ICE2: variants seen among roughly 807,000 people sequenced by gnomAD.
The protein encoded by ICE2 is interactor of little elongation complex ELL subunit 2.
ICE2 carries 87 observed loss-of-function variants against 105.4 expected under a neutral mutation model. The observed-to-expected ratio is 0.83, with a 90% confidence interval of 0.69 to 0.99. The LOEUF is 0.99. Among genes scored for constraint, ICE2 ranks in the 50% least tolerant of loss-of-function variants. ICE2 has a pLI of 0.00. For synonymous variants in ICE2, 399 were observed against 392.0 expected (o/e 1.02, Z -0.21); for missense variants, 1,323 against 1,146.7 (o/e 1.15, Z -2.22).
intron 3 of ICE2, among the ~76,000 whole-genome samples, chr15:60,471,646 T>C (rs1567012876): frequency 6.6e-6 from 1 of 152,210 alleles, no homozygotes; most frequent in Non-Finnish European, 1.5e-5. Flanking sequence ...AAGAACTTCA[T>C]CAGGGTGTAA....
chr15:60,456,901 C>T, intron 5 of ICE2, 107 bp from the exon 6 acceptor site: 5 of 511,600 alleles, frequency 9.8e-6, no homozygotes, highest in South Asian at 6.9e-5. Flanking sequence ...AAAATTAGCC[C>T]GATTTCATTA....
rs986237353 is a variant in ICE2 at position 60,428,608 on chromosome 15, C to T, written c.2641G>A (p.Val881Ile). The change falls in exon 15 of 16, where the codon GTT (valine) becomes ATT (isoleucine). Residue 881 changes from valine to isoleucine, a missense_variant. Val to Ile is a conservative substitution (Grantham distance 29). Coordinates refer to ENST00000261520, the MANE Select transcript of ICE2 (RefSeq NM_024611.6). ...LLIYKASDGK[V>I]TRTAYNLYKT... ...TACAAATTGTATGCTGTCCTAGTAA[C>T]TTTTCCATCAGAGGCCTTATAAATC... The T allele has an allele frequency of 6.2e-7, 1 of 1,614,120 alleles. No homozygotes were observed. Among genetic ancestry groups the T allele is most frequent in the East Asian group, 2.2e-5 (1 of 44,880 alleles).
At chr15:60,471,361 TTCTCACTAGAAAACG>T (rs2064589080) in intron 3 of ICE2, among the ~76,000 whole-genome samples, 1 of 152,222 alleles carries the variant, frequency 6.6e-6, no homozygotes, top group East Asian at 1.9e-4. Flanking sequence ...GCAAATTGAC[TTCTCACTAGAAAACG>T]TCTTGAGAGC....
intron 9 of ICE2, chr15:60,452,884 T>A: frequency 5.1e-6 from 5 of 985,384 alleles, no homozygotes; most frequent in Non-Finnish European, 6.0e-6. Flanking sequence ...TCTGGCAAAA[T>A]ACTTTCTGTA....
rs762458584 is a variant in ICE2, at chr15:60,428,660, A to G, written c.2589T>C (p.Ser863=). The change falls in exon 15 of 16, where the codon TCT becomes TCC. Residue 863 remains serine (S), a synonymous_variant. Transcript: ENST00000261520. ...SSLQEGSYLL[S]HAAEDSSLLI... Reference sequence around the variant, plus strand: ...GGAGTGAAGAATCTTCTGCTGCATGAGATAACAAGTAGGAACCCTCCTGCA... The same window carrying G: ...GGAGTGAAGAATCTTCTGCTGCATGGGATAACAAGTAGGAACCCTCCTGCA... 8.1e-6 allele frequency: 13 copies of G among 1,614,112 alleles called. No homozygotes were observed. In the South Asian group the frequency reaches 1.4e-4, roughly 18 times the overall value.
chr15:60,444,374 A>AG (rs1041967467), intron 11 of ICE2, among the ~76,000 whole-genome samples: 4 of 152,180 alleles, frequency 2.6e-5, no homozygotes, highest in African/African-American at 9.7e-5. Flanking sequence ...CCAGGAAGCC[A>AG]GGGGAAAAAA....
At chr15:60,476,271 C>T (rs1382292877) in intron 2 of ICE2, 104 bp from the exon 3 acceptor site, 4 of 667,136 alleles carry the variant, frequency 6.0e-6, no homozygotes, top group Non-Finnish European at 1.1e-5. Flanking sequence ...ACCTTCTTAC[C>T]CCCCCATCCC....
At chr15:60,460,584 G>C (rs754181694) in intron 5 of ICE2, among the ~76,000 whole-genome samples, 4 of 152,174 alleles carry the variant, frequency 2.6e-5, no homozygotes, top group Non-Finnish European at 5.9e-5. Flanking sequence ...TGCTAAAGCA[G>C]AGTTTCTCAA....
intron 11 of ICE2, among the ~76,000 whole-genome samples, chr15:60,446,469 C>A (rs957852331): frequency 6.6e-6 from 1 of 152,130 alleles, no homozygotes; most frequent in Admixed American, 6.5e-5. Flanking sequence ...GATCTCGGCT[C>A]ACTGCAAGCT....
In ICE2 at chr15:60,421,554, T is replaced by C. The variant is rs2063242606; in HGVS notation, c.*2080A>G. 6.6e-6 allele frequency: 1 copy of C among 152,224 alleles called. No individual in the cohort carries two copies. The highest frequency in any genetic ancestry group is 1.5e-5 in the Non-Finnish European group (1 of 68,038). The allele number at this position is 152,224 out of a possible 1,614,324, so 9.4% of individuals were successfully genotyped here. A position where few individuals can be genotyped will look rare whatever the true frequency, so the allele number is the denominator to read the frequency against. Reference sequence around the variant, plus strand: ...ACATTTTATGATGTAAAAAGTAATATTTAAAAATTAAAAGGCAAGTCTTTC... The same window carrying C: ...ACATTTTATGATGTAAAAAGTAATACTTAAAAATTAAAAGGCAAGTCTTTC... On this transcript the variant is annotated 3_prime_UTR_variant, in exon 16 of 16. Transcript: ENST00000261520.
chr15:60,434,892 G>C (rs148202775), intron 13 of ICE2, among the ~76,000 whole-genome samples: 155 of 152,294 alleles, frequency 1.0e-3, no homozygotes, highest in Middle Eastern at 3.4e-3. Context: ...TAGAAGGGAA[G>C]AATTATAATG....
chr15:60,460,922 G>C (rs892679628), intron 5 of ICE2, among the ~76,000 whole-genome samples: 66 of 152,190 alleles, frequency 4.3e-4, no homozygotes, highest in African/African-American at 1.6e-3. Context: ...CTTTAGATTA[G>C]GGTTTCTCAA....
chr15:60,428,626 T>C lies in ICE2; in HGVS notation c.2623A>G (p.Lys875Glu). The C allele has an allele frequency of 6.2e-7, 1 of 1,614,126 alleles. No individual in the cohort carries two copies. Among genetic ancestry groups the C allele is most frequent in the Non-Finnish European group, 8.5e-7 (1 of 1,179,984 alleles). Reference sequence around the variant, plus strand: ...CTAGTAACTTTTCCATCAGAGGCCTTATAAATCAGGAGTGAAGAATCTTCT... The same window carrying C: ...CTAGTAACTTTTCCATCAGAGGCCTCATAAATCAGGAGTGAAGAATCTTCT... ...AAEDSSLLIY[K>E]ASDGKVTRTA... is the part of the protein sequence containing the mutation. Residue 875 changes from lysine to glutamate, a missense_variant, in exon 15 of 16, where the codon AAG becomes GAG. Physicochemically the swap from Lys to Glu is moderately conservative, Grantham distance 56 (BLOSUM62 1). Transcript: ENST00000261520.
At chr15:60,452,319 T>C in intron 9 of ICE2, 1 of 870,606 alleles carries the variant, frequency 1.1e-6, no homozygotes, top group Non-Finnish European at 1.4e-6. Context: ...AACATTTTTA[T>C]ATTTTAAAAT....
Position 60,455,461 on chromosome 15 carries a change from T to C in ICE2, c.667-19A>G. On this transcript the variant is annotated intron_variant, in intron 6 of 15. Transcript: ENST00000261520. ...CACTGCCCTAAATATGAAAAAAAAA[T>C]CATTTTATTGCAAAAATCGCAATGT... The C allele has an allele frequency of 6.7e-7, 1 of 1,484,460 alleles. No homozygotes were observed. The highest frequency in any genetic ancestry group is 9.3e-7 in the Non-Finnish European group (1 of 1,071,866). The allele number at this position is 1,484,460 out of a possible 1,614,324, so 92.0% of individuals were successfully genotyped here.
At chr15:60,460,587 T>C (rs1280506811) in intron 5 of ICE2, among the ~76,000 whole-genome samples, 2 of 151,748 alleles carry the variant, frequency 1.3e-5, no homozygotes, top group Middle Eastern at 3.4e-3. Context: ...TAAAGCAGAG[T>C]TTCTCAACGT....
intron 12 of ICE2, 48 bp from the exon 13 acceptor site, chr15:60,436,275 A>AG (rs2063584981): frequency 4.3e-6 from 3 of 701,314 alleles, no homozygotes; most frequent in Non-Finnish European, 6.7e-6. Flanking sequence ...TGCAGTATTT[A>AG]GAAAAAAAAA....
rs758515950 is a variant in ICE2 at position 60,419,769 on chromosome 15, G to A, written c.*3865C>T. On this transcript the variant is annotated 3_prime_UTR_variant, in exon 16 of 16. Transcript: ENST00000261520. ...TATATACCTATAATGCATAGAAAAC[G>A]TCTTAACATCTTTACAACATGCCCA... The A allele has an allele frequency of 2.6e-5, 4 of 152,104 alleles. No individual in the cohort carries two copies. The highest frequency in any genetic ancestry group is 9.7e-5 in the African/African-American group (4 of 41,418). 9.4% of individuals were successfully genotyped at this position (152,104 alleles called of 1,614,324 possible). A position where few individuals can be genotyped will look rare whatever the true frequency, so the allele number is the denominator to read the frequency against.
rs2064069733 is a variant in ICE2, at chr15:60,455,142, A to G, written c.804T>C (p.Asn268=). 2 of 1,581,094 alleles carry G rather than the reference A, an allele frequency of 1.3e-6. No individual in the cohort carries two copies. The highest frequency in any genetic ancestry group is 1.7e-6 in the Non-Finnish European group (2 of 1,169,478). The change falls in exon 8 of 16, where the codon AAT becomes AAC. Residue 268 remains asparagine, a synonymous_variant. Coordinates refer to ENST00000261520, the MANE Select transcript of ICE2 (RefSeq NM_024611.6). ...GATATCTGGAAACAAGCTTCTCTGC[A>G]TTTGGATCTTTACTAATATCCTGAA... The part of the protein sequence containing the change: ...AMHYDISKDP[N]AEKLVSRYHP...
Sources: allele counts gnomAD v4.1 joint callset (sites outside exome capture counted in the v4.1 genomes callset), GRCh38; gene constraint gnomAD v4.1.1; transcripts MANE v1.5; gene names NCBI Gene and HGNC (gene_info 2026-07-23, HGNC 2026-07-21).